Variants in PTPRT observed in about 807,000 individuals in gnomAD.
PTPRT encodes the protein protein tyrosine phosphatase receptor type T.
In PTPRT, 56 loss-of-function variants were observed where a neutral mutation model predicts 176.8. That is an observed-to-expected ratio of 0.32 (90% CI 0.26 to 0.40). PTPRT has a LOEUF of 0.40. PTPRT is among the 10% of genes least tolerant of loss of function. The probability of loss-of-function intolerance (pLI) is 1.00; values close to 1 mark genes in which losing one functional copy is unlikely to be tolerated. For missense variants in PTPRT, 1,540 were observed against 1,908.2 expected (o/e 0.81, Z 3.60); for synonymous variants, 783 against 739.0 (o/e 1.06, Z -0.96).
intron 17 of PTPRT, among the ~76,000 whole-genome samples, chr20:42,147,958 T>A (rs1445350326): frequency 2.6e-5 from 4 of 151,854 alleles, no homozygotes; most frequent in Non-Finnish European, 4.4e-5. Flanking sequence ...GCAAAAAAAA[T>A]ATGAGGGGGA....
chr20:42,652,633 C>T (rs1455820272), intron 7 of PTPRT, among the ~76,000 whole-genome samples: 1 of 152,154 alleles, frequency 6.6e-6, no homozygotes, highest in South Asian at 2.1e-4. Flanking sequence ...CCTTTCTTTG[C>T]TGCTGGGAGG....
intron 13 of PTPRT, among the ~76,000 whole-genome samples, chr20:42,270,854 C>A (rs6102753): frequency 0.022 from 3,404 of 152,258 alleles, 136 homozygotes; most frequent in African/African-American, 0.078. Flanking sequence ...AGTCTAGACA[C>A]ATGGGAGCCC....
chr20:42,152,240 C>T (rs1436064376), intron 17 of PTPRT, among the ~76,000 whole-genome samples: 1 of 152,258 alleles, frequency 6.6e-6, no homozygotes. Flanking sequence ...AGAGGCCAAG[C>T]TTTCAACAAA....
intron 7 of PTPRT, among the ~76,000 whole-genome samples, chr20:42,663,996 C>G (rs189324313): frequency 5.0e-4 from 76 of 152,230 alleles, no homozygotes; most frequent in African/African-American, 1.7e-3. Context: ...GCAAATTGTC[C>G]TCTTAACATG....
At chr20:42,450,381 CACTG>C (rs1267336289) in intron 8 of PTPRT, among the ~76,000 whole-genome samples, 1 of 152,236 alleles carries the variant, frequency 6.6e-6, no homozygotes, top group African/African-American at 2.4e-5. Context: ...TTCTTGCCAA[CACTG>C]ACTATTTAAA....
intron 7 of PTPRT, among the ~76,000 whole-genome samples, chr20:42,524,880 A>G (rs1004667428): frequency 2.0e-5 from 3 of 151,880 alleles, no homozygotes; most frequent in Non-Finnish European, 4.4e-5. Context: ...CTTCTCCTGT[A>G]TGTCTCATTT....
At chr20:42,956,217 T>C (rs1414888507) in intron 1 of PTPRT, among the ~76,000 whole-genome samples, 1 of 152,168 alleles carries the variant, frequency 6.6e-6, no homozygotes, top group Non-Finnish European at 1.5e-5. Context: ...TTATCCCCTC[T>C]AAATCTCATA....
At chr20:42,630,697 C>G (rs1274875871) in intron 7 of PTPRT, among the ~76,000 whole-genome samples, 1 of 152,148 alleles carries the variant, frequency 6.6e-6, no homozygotes, top group Non-Finnish European at 1.5e-5. Context: ...TCCTGATACA[C>G]AGGGAAAGAA....
intron 1 of PTPRT, among the ~76,000 whole-genome samples, chr20:43,113,490 T>C (rs2012943825): frequency 6.6e-6 from 1 of 152,244 alleles, no homozygotes; most frequent in East Asian, 1.9e-4. Context: ...TCTACTCTTC[T>C]ACCATCTCTG....
intron 7 of PTPRT, among the ~76,000 whole-genome samples, chr20:42,549,756 C>T (rs565840911): frequency 5.5e-4 from 84 of 152,294 alleles, no homozygotes; most frequent in African/African-American, 1.8e-3. Flanking sequence ...ATGTGATGCA[C>T]AGTCTCTAGT....
intron 9 of PTPRT, among the ~76,000 whole-genome samples, chr20:42,391,986 C>T (rs2058804297): frequency 6.6e-6 from 1 of 152,144 alleles, no homozygotes; most frequent in Non-Finnish European, 1.5e-5. Context: ...CCATGATGGG[C>T]AATGGCCAGA....
At chr20:42,740,624 A>C (rs1004355690) in intron 6 of PTPRT, among the ~76,000 whole-genome samples, 1 of 152,232 alleles carries the variant, frequency 6.6e-6, no homozygotes, top group African/African-American at 2.4e-5. Context: ...TCCGAGATGC[A>C]AAAGAAAGGC....
At chr20:42,983,518 T>C (rs1304435698) in intron 1 of PTPRT, among the ~76,000 whole-genome samples, 1 of 152,216 alleles carries the variant, frequency 6.6e-6, no homozygotes, top group Non-Finnish European at 1.5e-5. Context: ...TCCCCCTGGA[T>C]GCCATATCCA....
At chr20:43,147,194 T>C (rs2014194906) in intron 1 of PTPRT, among the ~76,000 whole-genome samples, 1 of 152,148 alleles carries the variant, frequency 6.6e-6, no homozygotes, top group Non-Finnish European at 1.5e-5. Context: ...TCCCCCAAGA[T>C]GAAACTGTGT....
In PTPRT at chr20:42,862,591, C is replaced by A. The variant is rs577477669; in HGVS notation, c.214+23216G>T. Among the ~76,000 whole-genome samples the A allele has an allele frequency of 9.2e-5, 14 of 152,314 alleles. No individual in the cohort carries two copies. The South Asian group carries it at 1.4e-3, about 16-fold the overall frequency. ...CTTAATTCAGAAAGATCACATCACA[C>A]CATATGCCAGAGAGTGGGAGGGAGG... On this transcript the variant is annotated intron_variant, in intron 2 of 30. Transcript: ENST00000373187.
chr20:42,488,432 C>T (rs1233893280), intron 7 of PTPRT, among the ~76,000 whole-genome samples: 3 of 152,200 alleles, frequency 2.0e-5, no homozygotes, highest in Non-Finnish European at 4.4e-5. Flanking sequence ...TTTTACCAAT[C>T]TGATGGGCAC....
intron 1 of PTPRT, among the ~76,000 whole-genome samples, chr20:42,973,738 C>A (rs1982788431): frequency 6.6e-6 from 1 of 152,150 alleles, no homozygotes; most frequent in Non-Finnish European, 1.5e-5. Flanking sequence ...GAATTTCAGA[C>A]AACATAAAAT....
At chr20:42,852,891 G>A (rs2078500138) in intron 2 of PTPRT, among the ~76,000 whole-genome samples, 1 of 152,094 alleles carries the variant, frequency 6.6e-6, no homozygotes, top group South Asian at 2.1e-4. Context: ...ACTCAGAGTG[G>A]CCAAGAGAAT....
chr20:42,524,545 C>A (rs531575065), intron 7 of PTPRT, among the ~76,000 whole-genome samples: 1 of 152,158 alleles, frequency 6.6e-6, no homozygotes, highest in Non-Finnish European at 1.5e-5. Context: ...ACATTTTCAG[C>A]CTCTTTGAAG....
Sources: allele counts gnomAD v4.1 joint callset (sites outside exome capture counted in the v4.1 genomes callset), GRCh38; gene constraint gnomAD v4.1.1; transcripts MANE v1.5; gene names NCBI Gene and HGNC (gene_info 2026-07-23, HGNC 2026-07-21).